KLHL32: variants seen among roughly 807,000 people sequenced by gnomAD.
The protein encoded by KLHL32 is kelch-like protein 32.
In KLHL32, 35 loss-of-function variants were observed where a neutral mutation model predicts 64.8. That is an observed-to-expected ratio of 0.54 (90% CI 0.41 to 0.72). The LOEUF (loss-of-function observed/expected upper bound fraction) is 0.72. Ranked by LOEUF, KLHL32 falls within the 30% of genes least tolerant of loss-of-function variation. KLHL32 has a pLI of 0.00. For synonymous variants in KLHL32, 259 were observed against 281.0 expected (o/e 0.92, Z 0.78); for missense variants, 589 against 768.5 (o/e 0.77, Z 2.76).
intron 3 of KLHL32, among the ~76,000 whole-genome samples, chr6:96,992,801 G>A (rs1778035187): frequency 6.6e-6 from 1 of 152,190 alleles, no homozygotes; most frequent in Admixed American, 6.5e-5. Context: ...TGCAGGTGTG[G>A]GAACTAAATT....
chr6:97,066,065 G>T (rs1324920765), intron 5 of KLHL32, among the ~76,000 whole-genome samples: 1 of 151,916 alleles, frequency 6.6e-6, no homozygotes, highest in Non-Finnish European at 1.5e-5. Context: ...ATCCCTTTCT[G>T]CCTGTAGCAA....
rs1040364090 is a variant in KLHL32 at position 96,924,919 on chromosome 6, T to C, written c.-173T>C. 6.6e-6 allele frequency: 1 copy of C among 152,264 alleles called. No individual in the cohort carries two copies. The highest frequency in any genetic ancestry group is 6.5e-5 in the Admixed American group (1 of 15,286). 9.4% of individuals were successfully genotyped at this position (152,264 alleles called of 1,614,324 possible). A position where few individuals can be genotyped will look rare whatever the true frequency, so the allele number is the denominator to read the frequency against. On this transcript the variant is annotated 5_prime_UTR_variant, in exon 1 of 11. Transcript: ENST00000369261. ...CAGAGCGAAGCTACTGCGGGTTCTG[T>C]TAACCTCAGCATCGTGGGGCGAAGC...
At chr6:96,983,624 C>T (rs914857309) in intron 3 of KLHL32, among the ~76,000 whole-genome samples, 2 of 152,256 alleles carry the variant, frequency 1.3e-5, no homozygotes, top group African/African-American at 2.4e-5. Flanking sequence ...GTGTATGTGT[C>T]GGGGAATTTA....
chr6:96,946,411 A>G (rs1009456721), intron 1 of KLHL32, among the ~76,000 whole-genome samples: 3 of 152,116 alleles, frequency 2.0e-5, no homozygotes, highest in Non-Finnish European at 4.4e-5. Flanking sequence ...TTGTGTAGAC[A>G]GTTAGCTCCA....
chr6:96,935,593 C>T (rs2127994304), intron 1 of KLHL32, among the ~76,000 whole-genome samples: 1 of 152,232 alleles, frequency 6.6e-6, no homozygotes. Flanking sequence ...TAGTATTGGG[C>T]CATCCAGCCA....
At chr6:97,053,700 G>A (rs1766468) in intron 4 of KLHL32, among the ~76,000 whole-genome samples, 38,206 of 151,496 alleles carry the variant, frequency 0.25, 6,181 homozygotes, top group African/African-American at 0.45. Context: ...CTGGAATTAG[G>A]TAAGATATAA....
At chr6:97,043,896 A>G (rs1404226974) in intron 4 of KLHL32, among the ~76,000 whole-genome samples, 2 of 151,450 alleles carry the variant, frequency 1.3e-5, no homozygotes, top group Non-Finnish European at 2.9e-5. Context: ...TGATTGGGTT[A>G]TTTATTTTCT....
At position 97,057,677 on chromosome 6, in the gene KLHL32, C is replaced by G. The variant is rs570296514; in HGVS notation, c.313-6951C>G. ...GATGTATCTGTTGCAAATATTTTCT[C>G]TTAGCCTATGGCTTGTCTTCTCAAT... On this transcript the variant is annotated intron_variant, in intron 4 of 10. Coordinates refer to ENST00000369261, the MANE Select transcript of KLHL32 (RefSeq NM_052904.4). Among the ~76,000 whole-genome samples, 81 of 152,044 alleles carry G rather than the reference C, an allele frequency of 5.3e-4. No individual in the cohort carries two copies. In the South Asian group the frequency reaches 5.8e-3, roughly 11 times the overall value.
chr6:97,064,964 G>A (rs1033879566), intron 5 of KLHL32, among the ~76,000 whole-genome samples: 3 of 152,126 alleles, frequency 2.0e-5, no homozygotes, highest in African/African-American at 7.2e-5. Flanking sequence ...AGGTCCCCAC[G>A]ACCATTGAGC....
rs544649387 is a variant in KLHL32 at position 97,103,702 on chromosome 6, G to A, written c.628-10081G>A. Among the ~76,000 whole-genome samples the A allele has an allele frequency of 2.4e-4, 37 of 152,286 alleles. No homozygotes were observed. The South Asian group carries it at 5.6e-3, about 23-fold the overall frequency. ...ACCTAGTTCTCTGCATTGGCCCCAC[G>A]TGCATGTGCACTTTCATACATGCAA... On this transcript the variant is annotated intron_variant, in intron 6 of 10. Transcript: ENST00000369261.
At position 97,091,139 on chromosome 6, in the gene KLHL32, G is replaced by A. The variant is rs186008545; in HGVS notation, c.627+5798G>A. Among the ~76,000 whole-genome samples the A allele has an allele frequency of 5.6e-3, 848 of 152,318 alleles. 5 individuals carry two copies. The highest frequency in any genetic ancestry group is 0.023 in the South Asian group (112 of 4,828). The stretch of plus-strand genomic sequence containing the variant: ...GGGCAGGTTCACCTGAGCCCAAGAA[G>A]TTGAGGCTGCAGTGTGCCGTGATTG... On this transcript the variant is annotated intron_variant, in intron 6 of 10. Transcript: ENST00000369261.
At chr6:97,105,548 C>T (rs1562342285) in intron 6 of KLHL32, 1 of 470,636 alleles carries the variant, frequency 2.1e-6, no homozygotes. Context: ...TTGTGCCTCA[C>T]AGCGTGGGAT....
In KLHL32 at chr6:97,140,506, A is replaced by G. The variant is rs1042968513; in HGVS notation, c.*1224A>G. 6.6e-6 allele frequency: 1 copy of G among 152,086 alleles called. No homozygotes were observed. Among genetic ancestry groups the G allele is most frequent in the African/African-American group, 2.4e-5 (1 of 41,458 alleles). 9.4% of individuals were successfully genotyped at this position (152,086 alleles called of 1,614,324 possible). ...ACTAGTTTTTGGGTTTGCTTTGTCT[A>G]TAACAAAAAATAAATACAACAACTT... is the stretch of plus-strand genomic sequence containing the variant. On this transcript the variant is annotated 3_prime_UTR_variant, in exon 11 of 11. Transcript: ENST00000369261.
At chr6:97,072,474 T>C (rs2128164323) in intron 5 of KLHL32, among the ~76,000 whole-genome samples, 1 of 152,270 alleles carries the variant, frequency 6.6e-6, no homozygotes, top group Middle Eastern at 3.4e-3. Flanking sequence ...TTATGATGAA[T>C]GTGGTTCACA....
intron 4 of KLHL32, among the ~76,000 whole-genome samples, chr6:97,052,785 C>T (rs1301268277): frequency 6.6e-6 from 1 of 152,168 alleles, no homozygotes; most frequent in Non-Finnish European, 1.5e-5. Context: ...AGCCAGAAAA[C>T]CAGAAAACTG....
chr6:96,994,645 G>A (rs1778228504), intron 3 of KLHL32: 1 of 982,924 alleles, frequency 1.0e-6, no homozygotes, highest in Non-Finnish European at 1.2e-6. Context: ...TTTAAAATAT[G>A]ATTAATGAAT....
intron 6 of KLHL32, among the ~76,000 whole-genome samples, chr6:97,088,423 A>G (rs534872712): frequency 1.3e-3 from 205 of 152,338 alleles, no homozygotes; most frequent in African/African-American, 4.6e-3. Context: ...GCTTTCAGAT[A>G]TTAGCTCCCA....
intron 7 of KLHL32, 137 bp downstream of exon 7, chr6:97,114,646 T>C: frequency 1.0e-6 from 1 of 976,954 alleles, no homozygotes; most frequent in South Asian, 1.5e-5. Flanking sequence ...TTAACATTCA[T>C]TTATTGAGCA....
At chr6:97,138,851 T>C (rs539359536) in intron 10 of KLHL32, among the ~76,000 whole-genome samples, 180 of 152,346 alleles carry the variant, frequency 1.2e-3, no homozygotes, top group African/African-American at 3.9e-3. Flanking sequence ...AATGAAGTAA[T>C]GCTACCTACC....
Sources: allele counts gnomAD v4.1 joint callset (sites outside exome capture counted in the v4.1 genomes callset), GRCh38; gene constraint gnomAD v4.1.1; transcripts MANE v1.5; gene names NCBI Gene and HGNC (gene_info 2026-07-23, HGNC 2026-07-21).